Variants in DOK5 observed in about 807,000 individuals in gnomAD.
DOK5 encodes the protein docking protein 5, also known as downstream of tyrosine kinase 5.
Under a neutral mutation model 43.3 loss-of-function variants are expected in DOK5, and 27 were observed. The ratio of observed to expected loss-of-function variants is 0.62; its 90% CI spans 0.46 to 0.86. DOK5 has a LOEUF of 0.86. Among genes scored for constraint, DOK5 ranks in the 40% least tolerant of loss-of-function variants. The pLI, the probability that DOK5 is intolerant of heterozygous loss-of-function variation, is 0.00. For missense variants in DOK5, 373 were observed against 392.9 expected (o/e 0.95, Z 0.43); for synonymous variants, 146 against 140.1 (o/e 1.04, Z -0.30).
chr20:54,638,657 C>T (rs1453321826), intron 6 of DOK5, among the ~76,000 whole-genome samples: 1 of 151,874 alleles, frequency 6.6e-6, no homozygotes, highest in Non-Finnish European at 1.5e-5. Flanking sequence ...TTTATAGAGT[C>T]CAGGGACATG....
At chr20:54,543,580 TG>T (rs879540186) in intron 1 of DOK5, among the ~76,000 whole-genome samples, 8 of 151,542 alleles carry the variant, frequency 5.3e-5, no homozygotes, top group Non-Finnish European at 5.9e-5. Context: ...TATGTGTGTG[TG>T]TGTGAGAGAG....
chr20:54,608,249 G>A (rs1007848546), intron 5 of DOK5, among the ~76,000 whole-genome samples: 5 of 152,252 alleles, frequency 3.3e-5, no homozygotes, highest in African/African-American at 9.6e-5. Context: ...ACCAAGGTTG[G>A]CATTTAAGGA....
chr20:54,506,307 A>G (rs1177762858), intron 1 of DOK5, among the ~76,000 whole-genome samples: 1 of 152,164 alleles, frequency 6.6e-6, no homozygotes, highest in Non-Finnish European at 1.5e-5. Flanking sequence ...AGAATCAAAG[A>G]TGTTAATTTT....
chr20:54,561,949 G>A (rs774272565), intron 2 of DOK5, among the ~76,000 whole-genome samples: 3 of 152,158 alleles, frequency 2.0e-5, no homozygotes, highest in Non-Finnish European at 4.4e-5. Flanking sequence ...GAGCCACTGC[G>A]CCTGGCCACG....
At chr20:54,510,747 G>C (rs1422827282) in intron 1 of DOK5, among the ~76,000 whole-genome samples, 2 of 152,156 alleles carry the variant, frequency 1.3e-5, no homozygotes, top group East Asian at 3.9e-4. Flanking sequence ...GCCTGGCCTT[G>C]TGTGCTTGCT....
chr20:54,492,106 C>A (rs1244004619), intron 1 of DOK5, among the ~76,000 whole-genome samples: 2 of 151,516 alleles, frequency 1.3e-5, no homozygotes, highest in Non-Finnish European at 2.9e-5. Context: ...TTTAATTTAA[C>A]CAGTATTTTA....
At chr20:54,538,293 A>G (rs1364574400) in intron 1 of DOK5, among the ~76,000 whole-genome samples, 1 of 152,078 alleles carries the variant, frequency 6.6e-6, no homozygotes, top group Non-Finnish European at 1.5e-5. Flanking sequence ...TAATGGCTGA[A>G]AAGATTTGGC....
At chr20:54,646,020 A>G (rs937759615) in intron 7 of DOK5, among the ~76,000 whole-genome samples, 3 of 150,802 alleles carry the variant, frequency 2.0e-5, no homozygotes, top group Non-Finnish European at 4.4e-5. Flanking sequence ...AAATAAGCTT[A>G]CCTTCCAAGA....
At chr20:54,640,458 C>T (rs73913642) in intron 6 of DOK5, among the ~76,000 whole-genome samples, 319 of 152,342 alleles carry the variant, frequency 2.1e-3, no homozygotes, top group African/African-American at 7.4e-3. Flanking sequence ...CACCAAATGA[C>T]TTCCTGCGTC....
intron 5 of DOK5, among the ~76,000 whole-genome samples, chr20:54,608,973 A>G (rs1320140102): frequency 6.6e-6 from 1 of 151,484 alleles, no homozygotes; most frequent in African/African-American, 2.4e-5. Flanking sequence ...CCACACCCAA[A>G]CTCCCTCTGT....
At chr20:54,570,500 A>C (rs767885676) in intron 2 of DOK5, among the ~76,000 whole-genome samples, 2 of 152,212 alleles carry the variant, frequency 1.3e-5, no homozygotes, top group Non-Finnish European at 2.9e-5. Flanking sequence ...CCCACAAGGG[A>C]AAAAATAATT....
intron 6 of DOK5, among the ~76,000 whole-genome samples, chr20:54,634,006 C>T (rs1398444731): frequency 6.6e-6 from 1 of 152,224 alleles, no homozygotes; most frequent in Non-Finnish European, 1.5e-5. Flanking sequence ...CCTGCCACTG[C>T]TCTGCACTCC....
chr20:54,632,778 A>G (rs1233720375), intron 6 of DOK5, among the ~76,000 whole-genome samples: 1 of 152,188 alleles, frequency 6.6e-6, no homozygotes, highest in Non-Finnish European at 1.5e-5. Flanking sequence ...GGAACTTGTT[A>G]CAAAATACAA....
At chr20:54,511,234 T>A (rs1469702579) in intron 1 of DOK5, among the ~76,000 whole-genome samples, 1 of 152,124 alleles carries the variant, frequency 6.6e-6, no homozygotes, top group African/African-American at 2.4e-5. Context: ...TTACCCATCT[T>A]TAAAATGGGG....
chr20:54,539,156 A>G (rs1482178211), intron 1 of DOK5, among the ~76,000 whole-genome samples: 3 of 151,754 alleles, frequency 2.0e-5, no homozygotes, highest in Non-Finnish European at 4.4e-5. Context: ...CAGGTGTGGC[A>G]GCCTGCGCCT....
chr20:54,583,931 C>T (rs562896983), intron 2 of DOK5, among the ~76,000 whole-genome samples: 21 of 151,074 alleles, frequency 1.4e-4, no homozygotes, highest in Middle Eastern at 3.4e-3. Context: ...GAGGCTGAGG[C>T]GAGTGGATCA....
At chr20:54,560,488 T>C (rs1200019469) in intron 2 of DOK5, among the ~76,000 whole-genome samples, 1 of 152,232 alleles carries the variant, frequency 6.6e-6, no homozygotes, top group Non-Finnish European at 1.5e-5. Context: ...AGGTTGACTG[T>C]AGTACAAAAC....
At chr20:54,613,425 A>G (rs1986715187) in intron 6 of DOK5, among the ~76,000 whole-genome samples, 1 of 152,172 alleles carries the variant, frequency 6.6e-6, no homozygotes, top group African/African-American at 2.4e-5. Context: ...GAATCTACAC[A>G]TTATTGAAAA....
Position 54,510,132 on chromosome 20 carries a change from G to A in DOK5, c.66+34120G>A, listed in dbSNP as rs1021416301. Among the ~76,000 whole-genome samples the A allele has an allele frequency of 5.3e-5, 8 of 151,976 alleles. 1 individual carries two copies. Among genetic ancestry groups the A allele is most frequent in the Admixed American group, 2.6e-4 (4 of 15,258 alleles). On this transcript the variant is annotated intron_variant, in intron 1 of 7. Coordinates refer to ENST00000262593, the MANE Select transcript of DOK5 (RefSeq NM_018431.5). ...TAAAAATAAGAATTAAAAAAATACC[G>A]ACTTACATTTTTTTGTTTGCATTCT...
Sources: allele counts gnomAD v4.1 joint callset (sites outside exome capture counted in the v4.1 genomes callset), GRCh38; gene constraint gnomAD v4.1.1; transcripts MANE v1.5; gene names NCBI Gene and HGNC (gene_info 2026-07-23, HGNC 2026-07-21).